CCDC60: variants seen among roughly 807,000 people sequenced by gnomAD.
CCDC60 encodes coiled-coil domain-containing protein 60.
A neutral mutation model predicts 63.5 loss-of-function variants in CCDC60; 54 were observed. The observed-to-expected ratio is 0.85, with a 90% CI of 0.68 to 1.07. CCDC60 has a LOEUF of 1.07. CCDC60 is among the 50% of genes least tolerant of loss of function. The pLI, the probability that CCDC60 is intolerant of heterozygous loss-of-function variation, is 0.00. For missense variants in CCDC60, 651 were observed against 684.3 expected (o/e 0.95, Z 0.54); for synonymous variants, 206 against 238.8 (o/e 0.86, Z 1.27).
chr12:119,481,299 T>A (rs1951313315), intron 4 of CCDC60, among the ~76,000 whole-genome samples: 1 of 152,198 alleles, frequency 6.6e-6, no homozygotes, highest in Non-Finnish European at 1.5e-5. Context: ...TGATGTCTCT[T>A]CAGTACACTT....
intron 1 of CCDC60, among the ~76,000 whole-genome samples, chr12:119,374,189 G>A (rs116910351): frequency 0.077 from 11,722 of 152,200 alleles, 527 homozygotes; most frequent in Middle Eastern, 0.15. Flanking sequence ...TTCATCTAGA[G>A]ACTTAAGATC....
chr12:119,532,367 G>A (rs977888704), intron 13 of CCDC60, among the ~76,000 whole-genome samples: 1 of 150,730 alleles, frequency 6.6e-6, no homozygotes, highest in Admixed American at 6.6e-5. Flanking sequence ...AATTTAGCAA[G>A]CTCTTTTCCT....
chr12:119,517,588 G>A (rs1952387543), intron 8 of CCDC60, among the ~76,000 whole-genome samples: 2 of 152,196 alleles, frequency 1.3e-5, no homozygotes. Flanking sequence ...CCAGCCTGAT[G>A]AGGCTGGCAT....
Position 119,358,328 on chromosome 12 carries a change from A to T in CCDC60, c.90+23062A>T, listed in dbSNP as rs116177660. The stretch of plus-strand genomic sequence containing the variant: ...GACCAGAAAGCCTCCACCCTCATGG[A>T]TGGGATTATTGCTATTATAAAAGGG... On this transcript the variant is annotated intron_variant, in intron 1 of 13. Coordinates refer to ENST00000327554, the MANE Select transcript of CCDC60 (RefSeq NM_178499.5). 6.1e-3 allele frequency among the ~76,000 whole-genome samples: 923 copies of T among 152,222 alleles called. 11 individuals are homozygous for T. The highest frequency in any genetic ancestry group is 0.022 in the African/African-American group (894 of 41,542).
chr12:119,353,492 GTCTC>G (rs5801333), intron 1 of CCDC60, among the ~76,000 whole-genome samples: 4 of 150,848 alleles, frequency 2.7e-5, no homozygotes, highest in African/African-American at 9.8e-5. Context: ...CTCTGTCTCT[GTCTC>G]TCTGTCTCTC....
intron 1 of CCDC60, among the ~76,000 whole-genome samples, chr12:119,385,347 G>A (rs1184282613): frequency 6.6e-6 from 1 of 152,160 alleles, no homozygotes; most frequent in Non-Finnish European, 1.5e-5. Context: ...ATCTCATCTT[G>A]AATTGTAGCT....
intron 1 of CCDC60, among the ~76,000 whole-genome samples, chr12:119,341,961 A>G (rs1338360344): frequency 6.6e-6 from 1 of 152,330 alleles, no homozygotes; most frequent in Admixed American, 6.5e-5. Context: ...TAGAGAGCCA[A>G]AGGGTAGTGA....
At chr12:119,430,173 TACACACACACAC>T (rs36071467) in intron 2 of CCDC60, among the ~76,000 whole-genome samples, 1 of 149,728 alleles carries the variant, frequency 6.7e-6, no homozygotes, top group Non-Finnish European at 1.5e-5. Flanking sequence ...CTGCCACACA[TACACACACACAC>T]ACACACACAC....
intron 1 of CCDC60, among the ~76,000 whole-genome samples, chr12:119,358,346 T>C (rs1044645277): frequency 6.6e-6 from 1 of 152,200 alleles, no homozygotes; most frequent in South Asian, 2.1e-4. Flanking sequence ...ATTGCTATTA[T>C]AAAAGGGTGA....
At chr12:119,533,392 T>A (rs188837809) in intron 13 of CCDC60, among the ~76,000 whole-genome samples, 148 of 152,378 alleles carry the variant, frequency 9.7e-4, no homozygotes, top group African/African-American at 3.5e-3. Context: ...GATGATAGTT[T>A]CTTTTGCTGT....
At chr12:119,436,610 C>T (rs1344786494) in intron 2 of CCDC60, among the ~76,000 whole-genome samples, 1 of 151,040 alleles carries the variant, frequency 6.6e-6, no homozygotes, top group African/African-American at 2.4e-5. Flanking sequence ...ACGATCTCGG[C>T]TCACTGCAAC....
intron 2 of CCDC60, among the ~76,000 whole-genome samples, chr12:119,471,204 G>C (rs1951049478): frequency 6.6e-6 from 1 of 152,202 alleles, no homozygotes; most frequent in African/African-American, 2.4e-5. Context: ...CAAGACATCT[G>C]ATTAGGAAAT....
chr12:119,387,042 A>T lies in CCDC60; in HGVS notation c.91-41641A>T, dbSNP rs1034261312. ...CTCCCCCTCTGTCTCTCTCACACAC[A>T]CACACACACACACACACACACACAC... On this transcript the variant is annotated intron_variant, in intron 1 of 13. Coordinates refer to ENST00000327554, the MANE Select transcript of CCDC60 (RefSeq NM_178499.5). 6.3e-3 allele frequency among the ~76,000 whole-genome samples: 895 copies of T among 141,180 alleles called. 9 individuals carry two copies. The highest frequency in any genetic ancestry group is 0.022 in the Middle Eastern group (6 of 274). The allele number at this position is 141,180 out of a possible 152,430, so 92.6% of individuals were successfully genotyped here.
chr12:119,429,764 A>C (rs991173357), intron 2 of CCDC60: 1 of 152,142 alleles, frequency 6.6e-6, no homozygotes, highest in Non-Finnish European at 1.5e-5. Flanking sequence ...CCTAGGGGAG[A>C]GGTGAAGAGA....
intron 2 of CCDC60, among the ~76,000 whole-genome samples, chr12:119,449,436 A>G (rs999944137): frequency 7.7e-4 from 118 of 152,264 alleles, no homozygotes; most frequent in African/African-American, 2.8e-3. Context: ...ATTTATCTCT[A>G]TCCTGTTTGG....
chr12:119,481,418 G>A (rs753926195), intron 4 of CCDC60, among the ~76,000 whole-genome samples: 1 of 152,084 alleles, frequency 6.6e-6, no homozygotes, highest in African/African-American at 2.4e-5. Context: ...AGAGCAGGGA[G>A]GAAATGTTTC....
chr12:119,396,095 G>C (rs894496003), intron 1 of CCDC60, among the ~76,000 whole-genome samples: 1 of 151,792 alleles, frequency 6.6e-6, no homozygotes, highest in Non-Finnish European at 1.5e-5. Flanking sequence ...CCACCACCTC[G>C]CCTGGCTAAT....
intron 1 of CCDC60, among the ~76,000 whole-genome samples, chr12:119,418,139 ATATG>A (rs991843750): frequency 2.8e-4 from 43 of 151,796 alleles, no homozygotes; most frequent in African/African-American, 3.1e-4. Context: ...CATATTTTTC[ATATG>A]TATGTATGTA....
At chr12:119,468,093 T>G (rs1353129240) in intron 2 of CCDC60, among the ~76,000 whole-genome samples, 1 of 151,956 alleles carries the variant, frequency 6.6e-6, no homozygotes, top group Non-Finnish European at 1.5e-5. Context: ...GCCAATATAG[T>G]GAAACCTCGT....
Sources: allele counts gnomAD v4.1 joint callset (sites outside exome capture counted in the v4.1 genomes callset), GRCh38; gene constraint gnomAD v4.1.1; transcripts MANE v1.5; gene names NCBI Gene and HGNC (gene_info 2026-07-23, HGNC 2026-07-21).